COL5A3: variants seen among roughly 807,000 people sequenced by gnomAD.
The protein encoded by COL5A3 is collagen alpha-3(V) chain.
In COL5A3, 172 loss-of-function variants were observed where a neutral mutation model predicts 250.0. The observed-to-expected ratio is 0.69, with a 90% CI of 0.61 to 0.78. COL5A3 has a LOEUF of 0.78. COL5A3 is among the 30% of genes least tolerant of loss of function. COL5A3 has a pLI of 0.00. For synonymous variants in COL5A3, 937 were observed against 900.4 expected (o/e 1.04, Z -0.73); for missense variants, 2,340 against 2,334.4 (o/e 1.00, Z -0.05).
chr19:9,999,281 C>T (rs1362638413), intron 8 of COL5A3, among the ~76,000 whole-genome samples: 2 of 150,946 alleles, frequency 1.3e-5, no homozygotes, highest in African/African-American at 4.9e-5. Context: ...ACCTCGATCT[C>T]CTCAGACTCA....
In COL5A3 at chr19:9,988,855, A is replaced by AAAAAAAAAAAAGAGAGAGAGAGAAAG. The variant is rs1269531312; in HGVS notation, c.2145+268_2145+269insCTTTCTCTCTCTCTCTTTTTTTTTTT. ...TCTCAAAAAAAAAAAAAAAAAAAAAAAAAGAAAGTAAAGAAAAGAAAAGGA... is the reference window on the plus strand; with the variant it reads ...TCTCAAAAAAAAAAAAAAAAAAAAAAAAAAAAAAAAAGAGAGAGAGAGAAAGAAAGAAAGTAAAGAAAAGAAAAGGA... On this transcript the variant is annotated intron_variant, in intron 27 of 66. Transcript: ENST00000264828. Among the ~76,000 whole-genome samples, 5 of 104,756 alleles carry AAAAAAAAAAAAGAGAGAGAGAGAAAG rather than the reference A, an allele frequency of 4.8e-5. 1 individual carries two copies. Among genetic ancestry groups the AAAAAAAAAAAAGAGAGAGAGAGAAAG allele is most frequent in the African/African-American group, 8.9e-5 (2 of 22,362 alleles). 68.7% of individuals were successfully genotyped at this position (104,756 alleles called of 152,430 possible).
chr19:9,970,202 G>A (rs1046174825), intron 54 of COL5A3, among the ~76,000 whole-genome samples: 1 of 47,872 alleles, frequency 2.1e-5, no homozygotes. Context: ...CTGTGGGTGA[G>A]TGGGGGCTGT....
chr19:9,989,290 C>G (rs1371298637), intron 26 of COL5A3, 32 bp downstream of exon 26: 1 of 1,614,084 alleles, frequency 6.2e-7, no homozygotes, highest in East Asian at 2.2e-5. Flanking sequence ...CGACCCTCGT[C>G]CCCAACCCAG....
At chr19:9,970,167 A>T (rs1599532882) in intron 54 of COL5A3, among the ~76,000 whole-genome samples, 1 of 33,736 alleles carries the variant, frequency 3.0e-5, no homozygotes. Context: ...CTGTGGGGTG[A>T]GTGGGGTCTG....
intron 35 of COL5A3, 79 bp from the exon 36 acceptor site, chr19:9,980,126 G>T: frequency 7.3e-7 from 1 of 1,364,674 alleles, no homozygotes; most frequent in Non-Finnish European, 1.0e-6. Context: ...ATGACAACAG[G>T]ATCGAGCACA....
intron 16 of COL5A3, among the ~76,000 whole-genome samples, chr19:9,995,239 T>C (rs950551539): frequency 6.6e-6 from 1 of 152,218 alleles, no homozygotes; most frequent in Admixed American, 6.5e-5. Flanking sequence ...ATGTGGTGCA[T>C]GACTCTATCT....
chr19:9,963,672 TACAGGTATGAGCC>T (rs765617658), intron 64 of COL5A3, among the ~76,000 whole-genome samples: 2 of 151,856 alleles, frequency 1.3e-5, no homozygotes, highest in Non-Finnish European at 2.9e-5. Context: ...GTGCTGGGAT[TACAGGTATGAGCC>T]ACTGTGCCCA....
chr19:9,974,530 G>T (rs2086894298), intron 45 of COL5A3, 122 bp from the exon 46 acceptor site: 1 of 684,144 alleles, frequency 1.5e-6, no homozygotes, highest in Non-Finnish European at 2.3e-6. Flanking sequence ...TTTAGAGAGG[G>T]TCAGTGTTGA....
rs1171246072 is a variant in COL5A3, at chr19:10,009,256, G to C, written c.88+1042C>G. Among the ~76,000 whole-genome samples the C allele has an allele frequency of 6.6e-6, 1 of 151,330 alleles. No individual in the cohort carries two copies. The highest frequency in any genetic ancestry group is 2.4e-5 in the African/African-American group (1 of 41,114). On this transcript the variant is annotated intron_variant, in intron 1 of 66. Coordinates refer to ENST00000264828, the MANE Select transcript of COL5A3 (RefSeq NM_015719.4). This position sits in a 1 kb window ranked among gnomAD's most constrained non-coding sequence, Gnocchi z 4.4. ...GGGATTTCCAGGAGGACCTAGTCTA[G>C]GGTCTCTCAGATCAGGGAAGCCCCA...
chr19:10,000,167 ATCT>A lies in COL5A3; in HGVS notation c.1110+1354_1110+1356del, dbSNP rs1215031433. On this transcript the variant is annotated intron_variant, in intron 8 of 66. Transcript: ENST00000264828. ...TGGTGCTTCGGAACAACAGTCCACC[ATCT>A]TCTTGGTTTGCTGTCTCTTGGAATA... is the stretch of plus-strand genomic sequence containing the variant. Among the ~76,000 whole-genome samples the A allele has an allele frequency of 3.3e-5, 5 of 152,142 alleles. No homozygotes were observed. In the East Asian group the frequency reaches 7.7e-4, roughly 24 times the overall value.
chr19:9,980,693 C>T lies in COL5A3; in HGVS notation c.2560-1G>A. 1 of 1,614,086 alleles carries T rather than the reference C, an allele frequency of 6.2e-7. No individual in the cohort carries two copies. Among genetic ancestry groups the T allele is most frequent in the Non-Finnish European group, 8.5e-7 (1 of 1,179,996 alleles). ...GGGCTCCATCCTGGCCCACATCGCC[C>T]TAGGACAGAGTGAATGAGACTCAGG... On this transcript the variant is annotated splice_acceptor_variant, in intron 34 of 66. Transcript: ENST00000264828. LOFTEE classifies it high-confidence loss of function.
chr19:9,964,048 C>T (rs1209703462), intron 64 of COL5A3, among the ~76,000 whole-genome samples: 1 of 152,090 alleles, frequency 6.6e-6, no homozygotes, highest in African/African-American at 2.4e-5. Flanking sequence ...TGACAGGCAC[C>T]TGTAATCTCA....
At chr19:9,965,619 A>G (rs2086732944) in intron 64 of COL5A3, among the ~76,000 whole-genome samples, 1 of 151,130 alleles carries the variant, frequency 6.6e-6, no homozygotes. Context: ...CGCTCAGCTG[A>G]TTTTTTTATT....
intron 45 of COL5A3, 64 bp downstream of exon 45, chr19:9,976,494 G>A (rs371355599): frequency 7.7e-5 from 99 of 1,289,622 alleles, no homozygotes; most frequent in South Asian, 1.6e-4. Context: ...TTCCACTGTC[G>A]TTTGCTCCCA....
At chr19:9,966,176 G>A in intron 64 of COL5A3, 138 bp downstream of exon 64, 1 of 684,020 alleles carries the variant, frequency 1.5e-6, no homozygotes, top group Non-Finnish European at 2.5e-6. Flanking sequence ...CAGCTCTTGA[G>A]GCAGGACTTG....
In COL5A3 at chr19:9,986,188, G is replaced by A. The variant is rs77636936; in HGVS notation, c.2352+127C>T. 1,646 of 675,986 alleles carry A rather than the reference G, an allele frequency of 2.4e-3. 4 individuals are homozygous for A. The highest frequency in any genetic ancestry group is 6.6e-3 in the Admixed American group (233 of 35,566). The allele number at this position is 675,986 out of a possible 1,614,324, so 41.9% of individuals were successfully genotyped here. On this transcript the variant is annotated intron_variant, in intron 30 of 66. Transcript: ENST00000264828. ...AAATTGCTCTGTAATGCTGAGCTGA[G>A]GAATTAAAGATGACAAGGTTGGTAG... is the stretch of plus-strand genomic sequence containing the variant.
chr19:9,969,557 CT>C lies in COL5A3; in HGVS notation c.4098+17del. 1.9e-6 allele frequency: 3 copies of C among 1,609,322 alleles called. No homozygotes were observed. The highest frequency in any genetic ancestry group is 1.7e-6 in the Non-Finnish European group (2 of 1,177,666). On this transcript the variant is annotated intron_variant, in intron 56 of 66. Transcript: ENST00000264828. ...GAGCTGGATCCACCCTGTCCCACCC[CT>C]GCCCCGCTCCACTCACCACAGGGCC...
chr19:9,981,580 T>C (rs2087009896), intron 32 of COL5A3, among the ~76,000 whole-genome samples: 1 of 152,156 alleles, frequency 6.6e-6, no homozygotes, highest in Admixed American at 6.5e-5. Flanking sequence ...ATACATACAC[T>C]CATGTACGTA....
chr19:9,991,905 T>C, intron 22 of COL5A3, 64 bp from the exon 23 acceptor site: 2 of 1,584,088 alleles, frequency 1.3e-6, no homozygotes, highest in East Asian at 2.2e-5. Flanking sequence ...GTTAGTGAAA[T>C]TGACTTGGGG....
Sources: allele counts gnomAD v4.1 joint callset (sites outside exome capture counted in the v4.1 genomes callset), GRCh38; gene constraint gnomAD v4.1.1; non-coding constraint Gnocchi (gnomAD v3.1); transcripts MANE v1.5; gene names NCBI Gene and HGNC (gene_info 2026-07-23, HGNC 2026-07-21).